TMEM131: variants seen among roughly 807,000 people sequenced by gnomAD.
TMEM131 encodes 2610524E03Rik.
Under a neutral mutation model 211.6 loss-of-function variants are expected in TMEM131, and 66 were observed. The observed-to-expected ratio is 0.31, with a 90% CI of 0.26 to 0.38. TMEM131 has a LOEUF of 0.38. Ranked by LOEUF, TMEM131 falls within the 10% of genes least tolerant of loss-of-function variation. The probability of loss-of-function intolerance (pLI) is 1.00; values close to 1 mark genes in which losing one functional copy is unlikely to be tolerated. For synonymous variants in TMEM131, 844 were observed against 841.3 expected (o/e 1.00, Z -0.06); for missense variants, 2,036 against 2,299.3 (o/e 0.89, Z 2.34).
At chr2:97,923,635 A>AG (rs1676845222) in intron 2 of TMEM131, among the ~76,000 whole-genome samples, 1 of 125,594 alleles carries the variant, frequency 8.0e-6, no homozygotes, top group East Asian at 2.0e-4. Flanking sequence ...TTTTAAAAAA[A>AG]AAAAAAAAAA....
In TMEM131 at chr2:97,756,467, A is replaced by T. The variant is rs1241586946; in HGVS notation, c.*632T>A. 6.6e-6 allele frequency: 1 copy of T among 152,266 alleles called. No individual in the cohort carries two copies. Among genetic ancestry groups the T allele is most frequent in the Non-Finnish European group, 1.5e-5 (1 of 68,052 alleles). The allele number at this position is 152,266 out of a possible 1,614,324, so 9.4% of individuals were successfully genotyped here. On this transcript the variant is annotated 3_prime_UTR_variant, in exon 41 of 41. Coordinates refer to ENST00000186436, the MANE Select transcript of TMEM131 (RefSeq NM_015348.2). Reference sequence around the variant, plus strand: ...ATCTTTAAAATAAGTTCAGGTATACAAATGTTACATACCTCAAGTACAAAC... The same window carrying T: ...ATCTTTAAAATAAGTTCAGGTATACTAATGTTACATACCTCAAGTACAAAC...
chr2:97,932,162 C>G (rs1033792778), intron 1 of TMEM131, among the ~76,000 whole-genome samples: 2 of 147,184 alleles, frequency 1.4e-5, no homozygotes, highest in Admixed American at 6.7e-5. Context: ...AAAAAAAAGA[C>G]ACTGCTATTT....
chr2:97,814,983 C>T (rs377209967), intron 13 of TMEM131, among the ~76,000 whole-genome samples: 113 of 152,088 alleles, frequency 7.4e-4, no homozygotes, highest in African/African-American at 2.5e-3. Context: ...CATTTAAGCC[C>T]AAATCCTATC....
At chr2:97,805,313 C>T (rs1681245961) in intron 21 of TMEM131, 63 bp downstream of exon 21, 1 of 1,579,306 alleles carries the variant, frequency 6.3e-7, no homozygotes. Context: ...AAGTGGCGGC[C>T]TCTTACTAAA....
chr2:97,800,337 CTA>C (rs1244362999), intron 25 of TMEM131, among the ~76,000 whole-genome samples: 2 of 152,160 alleles, frequency 1.3e-5, no homozygotes, highest in African/African-American at 4.8e-5. Context: ...ACTTATTTTC[CTA>C]TCTCTCACAG....
intron 1 of TMEM131, among the ~76,000 whole-genome samples, chr2:97,929,488 C>A (rs1181249260): frequency 1.3e-5 from 2 of 151,802 alleles, no homozygotes; most frequent in African/African-American, 4.9e-5. Context: ...CACTGTCCCA[C>A]ATATGTACCT....
intron 1 of TMEM131, among the ~76,000 whole-genome samples, chr2:97,943,140 C>G (rs1240666641): frequency 6.6e-6 from 1 of 151,512 alleles, no homozygotes; most frequent in Non-Finnish European, 1.5e-5. Context: ...TCCCACTACT[C>G]AGGAGGCTGA....
At chr2:97,798,492 C>CA (rs1257320188) in intron 25 of TMEM131, among the ~76,000 whole-genome samples, 5 of 152,248 alleles carry the variant, frequency 3.3e-5, no homozygotes, top group Non-Finnish European at 7.3e-5. Context: ...AACATTAACT[C>CA]AGAGTCAACA....
chr2:97,814,474 T>C, intron 13 of TMEM131, 86 bp from the exon 14 acceptor site: 1 of 1,250,758 alleles, frequency 8.0e-7, no homozygotes, highest in Non-Finnish European at 1.1e-6. Flanking sequence ...TTGTAAGTAA[T>C]AATTTACATT....
At chr2:97,933,897 C>T (rs72944813) in intron 1 of TMEM131, among the ~76,000 whole-genome samples, 3,751 of 152,140 alleles carry the variant, frequency 0.025, 164 homozygotes, top group African/African-American at 0.087. Context: ...GTAGAACTAC[C>T]TCAATCTCAA....
At chr2:97,761,240 AGCCACC>A (rs914442395) in intron 36 of TMEM131, 88 of 216,122 alleles carry the variant, frequency 4.1e-4, no homozygotes, top group African/African-American at 1.9e-3. Flanking sequence ...TGCAGAGGGC[AGCCACC>A]GACACCGGAA....
At chr2:97,969,756 G>A (rs527615782) in intron 1 of TMEM131, among the ~76,000 whole-genome samples, 39 of 152,264 alleles carry the variant, frequency 2.6e-4, no homozygotes, top group Non-Finnish European at 5.1e-4. Context: ...TGAAAGCCAC[G>A]CATATTCTCC....
chr2:97,977,836 C>T (rs554515669), intron 1 of TMEM131, among the ~76,000 whole-genome samples: 9 of 152,152 alleles, frequency 5.9e-5, no homozygotes, highest in Admixed American at 2.6e-4. Context: ...GCCTATAATC[C>T]CAGCACTTTG....
At chr2:97,775,024 T>C (rs969980936) in intron 32 of TMEM131, among the ~76,000 whole-genome samples, 5 of 152,324 alleles carry the variant, frequency 3.3e-5, no homozygotes, top group Admixed American at 6.5e-5. Flanking sequence ...CCTTGGTCAA[T>C]AGACTAAAAC....
intron 38 of TMEM131, chr2:97,760,277 T>G (rs1042060779): frequency 1.4e-5 from 5 of 347,650 alleles, no homozygotes; most frequent in African/African-American, 1.0e-4. Flanking sequence ...GCTCTTCTAT[T>G]TTTAATGATC....
chr2:97,976,791 G>T (rs889859170), intron 1 of TMEM131, among the ~76,000 whole-genome samples: 1 of 152,002 alleles, frequency 6.6e-6, no homozygotes, highest in Non-Finnish European at 1.5e-5. Flanking sequence ...TGGCATCAAG[G>T]CAGAAAAATA....
In TMEM131 at chr2:97,911,934, C is replaced by T. The variant is rs529829577; in HGVS notation, c.250-3236G>A. 3.3e-5 allele frequency among the ~76,000 whole-genome samples: 5 copies of T among 152,018 alleles called. No individual in the cohort carries two copies. The East Asian group carries it at 9.6e-4, about 29-fold the overall frequency. ...CATTATCAAGAGATTAAAAACAAAA[C>T]AAAAGCCAATATGAATGCATAAAAA... is the stretch of plus-strand genomic sequence containing the variant. On this transcript the variant is annotated intron_variant, in intron 2 of 40. Transcript: ENST00000186436.
intron 2 of TMEM131, among the ~76,000 whole-genome samples, chr2:97,919,640 A>G (rs972911978): frequency 6.6e-6 from 1 of 152,112 alleles, no homozygotes; most frequent in Non-Finnish European, 1.5e-5. Flanking sequence ...GCACGATCTC[A>G]GCTCACTGCA....
chr2:97,909,467 A>C (rs1676207873), intron 2 of TMEM131, among the ~76,000 whole-genome samples: 1 of 152,098 alleles, frequency 6.6e-6, no homozygotes, highest in Non-Finnish European at 1.5e-5. Context: ...AAAGATAAGG[A>C]AGATGAGAAA....
Sources: gnomAD v4.1 joint callset for allele counts (sites outside exome capture counted in the v4.1 genomes callset) on GRCh38, gnomAD v4.1.1 for gene constraint, MANE v1.5 for transcripts, NCBI Gene and HGNC (gene_info 2026-07-23, HGNC 2026-07-21) for gene names.